CCSER2: variants seen among roughly 807,000 people sequenced by gnomAD.
The protein encoded by CCSER2 is coiled-coil serine rich protein 2, also known as serine-rich coiled-coil domain-containing protein 2.
A neutral mutation model predicts 92.3 loss-of-function variants in CCSER2; 46 were observed. The observed-to-expected ratio is 0.50, with a 90% CI of 0.39 to 0.64. CCSER2 has a LOEUF of 0.64. CCSER2 is among the 30% of genes least tolerant of loss of function. The probability of loss-of-function intolerance (pLI) is 0.00; values close to 1 mark genes in which losing one functional copy is unlikely to be tolerated. For missense variants in CCSER2, 1,244 were observed against 1,238.9 expected (o/e 1.00, Z -0.06); for synonymous variants, 433 against 431.4 (o/e 1.00, Z -0.04).
chr10:84,483,386 T>A (rs1191659618), intron 9 of CCSER2, among the ~76,000 whole-genome samples: 4 of 146,366 alleles, frequency 2.7e-5, no homozygotes, highest in Admixed American at 6.8e-5. Context: ...AGAATGAAAC[T>A]CTGTCTCAAA....
intron 4 of CCSER2, among the ~76,000 whole-genome samples, chr10:84,423,832 G>A (rs1843277851): frequency 6.6e-6 from 1 of 151,904 alleles, no homozygotes; most frequent in African/African-American, 2.4e-5. Flanking sequence ...TGTTGCTAAA[G>A]GCACTAAGCT....
At chr10:84,449,815 C>G (rs1845163008) in intron 6 of CCSER2, among the ~76,000 whole-genome samples, 1 of 152,196 alleles carries the variant, frequency 6.6e-6, no homozygotes, top group South Asian at 2.1e-4. Flanking sequence ...CCATTGCACT[C>G]CAGCCTGGGC....
At chr10:84,476,977 C>CAG (rs1015958082) in intron 8 of CCSER2, among the ~76,000 whole-genome samples, 2 of 152,126 alleles carry the variant, frequency 1.3e-5, no homozygotes, top group African/African-American at 4.8e-5. Flanking sequence ...CACATGAGAA[C>CAG]AGACATCCTG....
rs547711996 is a variant in CCSER2, at chr10:84,348,318, G to A, written c.-40+19510G>A. Reference sequence around the variant, plus strand: ...AATACGAAAACCAGTCAGGCGTGGCGGCACGCGCCTGCAATCGCAGGCACT... The same window carrying A: ...AATACGAAAACCAGTCAGGCGTGGCAGCACGCGCCTGCAATCGCAGGCACT... On this transcript the variant is annotated intron_variant, in intron 1 of 9. Coordinates refer to ENST00000372088, the MANE Select transcript of CCSER2 (RefSeq NM_001284240.2). Among the ~76,000 whole-genome samples, 13 of 152,346 alleles carry A rather than the reference G, an allele frequency of 8.5e-5. No individual in the cohort carries two copies. The South Asian group carries it at 2.3e-3, about 27-fold the overall frequency.
intron 8 of CCSER2, among the ~76,000 whole-genome samples, chr10:84,474,359 G>A (rs1363434057): frequency 6.6e-6 from 1 of 152,148 alleles, no homozygotes. Context: ...TTCTGTTAGA[G>A]GATAATAAAA....
At chr10:84,369,310 C>T (rs1845944163) in intron 1 of CCSER2, among the ~76,000 whole-genome samples, 1 of 152,158 alleles carries the variant, frequency 6.6e-6, no homozygotes, top group African/African-American at 2.4e-5. Context: ...CTTTTCATCA[C>T]ATCTATGCCA....
intron 1 of CCSER2, among the ~76,000 whole-genome samples, chr10:84,339,472 TA>T (rs59805161): frequency 0.33 from 49,295 of 148,394 alleles, 9,432 homozygotes; most frequent in African/African-American, 0.54. Flanking sequence ...TTTTTTTTTT[TA>T]AATTTATTTT....
In CCSER2 at chr10:84,514,412, T is replaced by C; in HGVS notation, c.*145T>C. The stretch of plus-strand genomic sequence containing the variant: ...ATTAAAATGTGGAAGCTTCTACTAG[T>C]TTGGCTCCTTCATTTTATATCCTGG... On this transcript the variant is annotated 3_prime_UTR_variant, in exon 10 of 10. Transcript: ENST00000372088. 1 of 628,670 alleles carries C rather than the reference T, an allele frequency of 1.6e-6. No individual in the cohort carries two copies. The highest frequency in any genetic ancestry group is 4.2e-4 in the Middle Eastern group (1 of 2,362). The allele number at this position is 628,670 out of a possible 1,614,324, so 38.9% of individuals were successfully genotyped here.
At chr10:84,339,193 G>A (rs1001224914) in intron 1 of CCSER2, among the ~76,000 whole-genome samples, 1 of 151,298 alleles carries the variant, frequency 6.6e-6, no homozygotes, top group African/African-American at 2.4e-5. Flanking sequence ...TGCTCCCTAG[G>A]GTGTCTTGCT....
chr10:84,367,467 C>G (rs779392322), intron 1 of CCSER2, among the ~76,000 whole-genome samples: 7 of 151,922 alleles, frequency 4.6e-5, no homozygotes, highest in African/African-American at 1.7e-4. Context: ...GCCTCAACCT[C>G]GTGGGCTCAG....
chr10:84,450,912 G>A (rs1845242831), intron 6 of CCSER2, among the ~76,000 whole-genome samples: 1 of 152,302 alleles, frequency 6.6e-6, no homozygotes, highest in African/African-American at 2.4e-5. Flanking sequence ...AATAAATTGT[G>A]TGTTGTATAA....
At chr10:84,473,139 C>CT (rs1471790124) in intron 8 of CCSER2, 1 of 152,020 alleles carries the variant, frequency 6.6e-6, no homozygotes, top group Non-Finnish European at 1.5e-5. Flanking sequence ...AAGCATTAAT[C>CT]TTTATCAGTA....
rs1396002005 is a variant in CCSER2, at chr10:84,457,401, A to G, written c.2065-6532A>G. On this transcript the variant is annotated intron_variant, in intron 6 of 9. Coordinates refer to ENST00000372088, the MANE Select transcript of CCSER2 (RefSeq NM_001284240.2). ...ATTTTAAATATATATTTATTTAAAT[A>G]TATATTTTAAAAAATATATTTAAAA... is the stretch of plus-strand genomic sequence containing the variant. 2.0e-4 allele frequency among the ~76,000 whole-genome samples: 17 copies of G among 85,710 alleles called. No individual in the cohort carries two copies. The East Asian group carries it at 4.6e-3, about 23-fold the overall frequency. 56.2% of individuals were successfully genotyped at this position (85,710 alleles called of 152,430 possible).
At chr10:84,504,475 CTTTGCCA>C (rs2131854424) in intron 9 of CCSER2, among the ~76,000 whole-genome samples, 1 of 152,256 alleles carries the variant, frequency 6.6e-6, no homozygotes, top group East Asian at 1.9e-4. Context: ...GAATGCCCAC[CTTTGCCA>C]TTTGCCTGCT....
At chr10:84,468,518 C>T (rs369126634) in intron 7 of CCSER2, among the ~76,000 whole-genome samples, 4 of 152,184 alleles carry the variant, frequency 2.6e-5, no homozygotes, top group Admixed American at 6.5e-5. Context: ...GAAAAAAATC[C>T]TTAGAGCAGT....
intron 3 of CCSER2, among the ~76,000 whole-genome samples, chr10:84,398,697 G>T (rs1841967770): frequency 6.6e-6 from 1 of 152,126 alleles, no homozygotes; most frequent in Non-Finnish European, 1.5e-5. Flanking sequence ...GAGCAGAAGA[G>T]AAATTTGTAA....
intron 1 of CCSER2, among the ~76,000 whole-genome samples, chr10:84,359,906 C>T (rs1192703373): frequency 1.3e-5 from 2 of 151,996 alleles, no homozygotes; most frequent in Non-Finnish European, 2.9e-5. Flanking sequence ...TTCCACCTCC[C>T]GAGTTCAAGT....
At chr10:84,470,533 A>G in intron 8 of CCSER2, 75 bp downstream of exon 8, 1 of 1,232,528 alleles carries the variant, frequency 8.1e-7, no homozygotes, top group Non-Finnish European at 1.0e-6. Context: ...TCTGAGCCAG[A>G]AGTAGAGTTT....
chr10:84,453,618 A>AT (rs1468138320), intron 6 of CCSER2, among the ~76,000 whole-genome samples: 1 of 152,166 alleles, frequency 6.6e-6, no homozygotes, highest in East Asian at 1.9e-4. Flanking sequence ...TGTACTATTT[A>AT]TATCTTGCTT....
Sources: gnomAD v4.1 joint callset for allele counts (sites outside exome capture counted in the v4.1 genomes callset) on GRCh38, gnomAD v4.1.1 for gene constraint, MANE v1.5 for transcripts, NCBI Gene and HGNC (gene_info 2026-07-23, HGNC 2026-07-21) for gene names.